Variants in PRICKLE2 observed in about 807,000 individuals in gnomAD.
PRICKLE2 encodes prickle-like protein 2.
In PRICKLE2, 21 loss-of-function variants were observed where a neutral mutation model predicts 81.4. The observed-to-expected ratio is 0.26, with a 90% CI of 0.18 to 0.37. PRICKLE2 has a LOEUF of 0.37. Ranked by LOEUF, PRICKLE2 falls within the 10% of genes least tolerant of loss-of-function variation. The pLI, the probability that PRICKLE2 is intolerant of heterozygous loss-of-function variation, is 1.00. For missense variants in PRICKLE2, 940 were observed against 1,109.0 expected, an observed-to-expected ratio of 0.85 and a Z score of 2.16; for synonymous variants, 456 against 421.5, an observed-to-expected ratio of 1.08 and a Z score of -1.00.
chr3:64,258,252 C>A (rs1331880627), intron 2 of PRICKLE2, among the ~76,000 whole-genome samples: 1 of 152,102 alleles, frequency 6.6e-6, no homozygotes, highest in Non-Finnish European at 1.5e-5. Flanking sequence ...TGCATGCACT[C>A]CCAAAGGATA....
intron 1 of PRICKLE2, among the ~76,000 whole-genome samples, chr3:64,219,073 C>A (rs2078913008): frequency 6.6e-6 from 1 of 152,140 alleles, no homozygotes; most frequent in Non-Finnish European, 1.5e-5. Flanking sequence ...CCGCCATTCT[C>A]TGGGGGGCTA....
chr3:64,247,138 G>T (rs945557875), intron 2 of PRICKLE2, among the ~76,000 whole-genome samples: 1 of 152,192 alleles, frequency 6.6e-6, no homozygotes, highest in African/African-American at 2.4e-5. Context: ...AGAATCTAGG[G>T]TTCTTGCCTG....
chr3:64,219,234 C>T (rs1471257138), intron 1 of PRICKLE2, among the ~76,000 whole-genome samples: 1 of 152,178 alleles, frequency 6.6e-6, no homozygotes, highest in Non-Finnish European at 1.5e-5. Context: ...AGTTTGCACT[C>T]ATCAAGGTCA....
Position 64,116,363 on chromosome 3 carries a change from G to T in PRICKLE2, c.1661-16438C>A, listed in dbSNP as rs561215796. Among the ~76,000 whole-genome samples the T allele has an allele frequency of 1.1e-4, 16 of 152,034 alleles. No individual in the cohort carries two copies. The South Asian group carries it at 1.2e-3, about 12-fold the overall frequency. On this transcript the variant is annotated intron_variant, in intron 7 of 7. Coordinates refer to ENST00000638394, the MANE Select transcript of PRICKLE2 (RefSeq NM_198859.4). ...AATCAAAATTAGGGCTGAACTGAAG[G>T]AGACTGAGACACAAAAAAGCCATTC...
chr3:64,219,559 A>G (rs1292870274), intron 1 of PRICKLE2, among the ~76,000 whole-genome samples: 1 of 152,192 alleles, frequency 6.6e-6, no homozygotes, highest in African/African-American at 2.4e-5. Flanking sequence ...TCATTCCAAA[A>G]GCCACATTAA....
chr3:64,158,569 T>C (rs187389884), intron 4 of PRICKLE2, among the ~76,000 whole-genome samples: 57 of 152,312 alleles, frequency 3.7e-4, no homozygotes, highest in African/African-American at 1.3e-3. Flanking sequence ...CTTGGCACTA[T>C]TCTACACAAT....
At chr3:64,124,250 A>C (rs1385896364) in intron 7 of PRICKLE2, among the ~76,000 whole-genome samples, 1 of 152,210 alleles carries the variant, frequency 6.6e-6, no homozygotes, top group Non-Finnish European at 1.5e-5. Flanking sequence ...GAGTGAGGTG[A>C]GGAAATTGCA....
chr3:64,100,133 T>TA (rs1458249221), intron 7 of PRICKLE2: 1 of 587,234 alleles, frequency 1.7e-6, no homozygotes, highest in East Asian at 2.8e-5. Flanking sequence ...GGCACTTACT[T>TA]AAAATGCTTC....
chr3:64,099,626 G>C lies in PRICKLE2; in HGVS notation c.1960C>G (p.Leu654Val), dbSNP rs778672034. 6.2e-7 allele frequency: 1 copy of C among 1,614,086 alleles called. No individual in the cohort carries two copies. Among genetic ancestry groups the C allele is most frequent in the South Asian group, 1.1e-5 (1 of 91,088 alleles). Residue 654 changes from leucine to valine, a missense_variant, in exon 8 of 8, where the codon CTG becomes GTG. Leu to Val is a conservative substitution (Grantham distance 32). This residue lies in a region of PRICKLE2 where 670 missense variants were observed against 717.2 expected (regional missense o/e 0.93). Coordinates refer to ENST00000638394, the MANE Select transcript of PRICKLE2 (RefSeq NM_198859.4). This position sits in a 1 kb window ranked among gnomAD's most constrained non-coding sequence, Gnocchi z 4.3. ...ATCCTCACGCCCTCCTGCCCTGGCAGCTTGCTGCCCGCCATCCCTCCATCA... is the reference window on the plus strand; with the variant it reads ...ATCCTCACGCCCTCCTGCCCTGGCACCTTGCTGCCCGCCATCCCTCCATCA... The part of the protein sequence containing the change: ...DFDGGMAGSK[L>V]PGQEGVRIQP...
chr3:64,162,464 C>T (rs17664266), intron 3 of PRICKLE2, among the ~76,000 whole-genome samples: 52,108 of 151,918 alleles, frequency 0.34, 9,216 homozygotes, highest in Non-Finnish European at 0.39. Flanking sequence ...TCTGCTAGTC[C>T]ACACTTTCAA....
intron 1 of PRICKLE2, among the ~76,000 whole-genome samples, chr3:64,215,448 C>T (rs1226513337): frequency 1.3e-5 from 2 of 152,130 alleles, no homozygotes; most frequent in Non-Finnish European, 2.9e-5. Context: ...ATACCTTTTC[C>T]CATTGTAATG....
intron 6 of PRICKLE2, among the ~76,000 whole-genome samples, chr3:64,150,127 G>A (rs1484594287): frequency 1.3e-5 from 2 of 152,024 alleles, no homozygotes; most frequent in Non-Finnish European, 2.9e-5. Flanking sequence ...AGAAAGCTGA[G>A]GCAGACATCA....
rs145182177 is a variant in PRICKLE2 at position 64,166,944 on chromosome 3, G to A, written c.145-3815C>T. ...TTTTCACTGAGCAAAGGGGATTAAC[G>A]GATGGATGGGAGGGAGGGAGAAACA... is the stretch of plus-strand genomic sequence containing the variant. On this transcript the variant is annotated intron_variant, in intron 2 of 7. Coordinates refer to ENST00000638394, the MANE Select transcript of PRICKLE2 (RefSeq NM_198859.4). Among the ~76,000 whole-genome samples the A allele has an allele frequency of 1.3e-3, 196 of 152,286 alleles. 1 individual carries two copies. The highest frequency in any genetic ancestry group is 2.3e-3 in the Non-Finnish European group (154 of 68,018).
At chr3:64,175,601 G>A (rs2078009476) in intron 2 of PRICKLE2, among the ~76,000 whole-genome samples, 1 of 152,116 alleles carries the variant, frequency 6.6e-6, no homozygotes, top group South Asian at 2.1e-4. Flanking sequence ...AGTTCCCTTA[G>A]ATTTATAGTT....
intron 2 of PRICKLE2, among the ~76,000 whole-genome samples, chr3:64,259,346 C>CA (rs1486451873): frequency 1.3e-5 from 2 of 152,240 alleles, no homozygotes; most frequent in African/African-American, 2.4e-5. Context: ...AGGAAGTATA[C>CA]AGGTATATCC....
At chr3:64,223,949 TACCAGC>T (rs1174310805) in intron 1 of PRICKLE2, among the ~76,000 whole-genome samples, 10 of 152,212 alleles carry the variant, frequency 6.6e-5, no homozygotes, top group African/African-American at 2.4e-4. Context: ...ATCACAGCCT[TACCAGC>T]TGCAGATTCA....
intron 2 of PRICKLE2, among the ~76,000 whole-genome samples, chr3:64,192,515 A>T (rs562828984): frequency 6.6e-6 from 1 of 152,372 alleles, no homozygotes; most frequent in South Asian, 2.1e-4. Flanking sequence ...GATACATTTA[A>T]TCTGACACCT....
At position 64,133,143 on chromosome 3, in the gene PRICKLE2, C is replaced by T. The variant is rs529520375; in HGVS notation, c.1660+13687G>A. On this transcript the variant is annotated intron_variant, in intron 7 of 7. Coordinates refer to ENST00000638394, the MANE Select transcript of PRICKLE2 (RefSeq NM_198859.4). ...TGTCATCCAGATTCCCCTACCCTAA[C>T]GTGCCCCTATATTAAACCGCTTCAG... Among the ~76,000 whole-genome samples, 24 of 152,314 alleles carry T rather than the reference C, an allele frequency of 1.6e-4. 1 individual carries two copies. Among genetic ancestry groups the T allele is most frequent in the Admixed American group, 3.9e-4 (6 of 15,302 alleles).
intron 2 of PRICKLE2, among the ~76,000 whole-genome samples, chr3:64,190,502 G>C (rs1211927436): frequency 2.0e-5 from 3 of 152,000 alleles, no homozygotes; most frequent in African/African-American, 7.3e-5. Flanking sequence ...TAAGTCTCTT[G>C]TTTACTGTTT....
Sources: gnomAD v4.1 joint callset for allele counts (sites outside exome capture counted in the v4.1 genomes callset) on GRCh38, gnomAD v4.1.1 for gene constraint, gnomAD v4.1.1 regional missense constraint, Gnocchi (gnomAD v3.1) non-coding constraint, MANE v1.5 for transcripts, NCBI Gene and HGNC (gene_info 2026-07-23, HGNC 2026-07-21) for gene names.